Variants in GLIS3 observed in about 807,000 individuals in gnomAD.
The protein encoded by GLIS3 is zinc finger protein GLIS3.
GLIS3 carries 53 observed loss-of-function variants against 78.6 expected under a neutral mutation model. The ratio of observed to expected loss-of-function variants is 0.67; its 90% CI spans 0.54 to 0.85. GLIS3 has a LOEUF of 0.85. Among genes scored for constraint, GLIS3 ranks in the 40% least tolerant of loss-of-function variants. The pLI, the probability that GLIS3 is intolerant of heterozygous loss-of-function variation, is 0.00. For missense variants in GLIS3, 1,703 were observed against 1,231.1 expected, an observed-to-expected ratio of 1.38 and a Z score of -5.74; for synonymous variants, 684 against 509.9, an observed-to-expected ratio of 1.34 and a Z score of -4.60.
At chr9:4,412,489 G>T in the GLIS3 span, among the ~76,000 whole-genome samples, 1 of 152,134 alleles carries the variant, frequency 6.6e-6, no homozygotes, top group East Asian at 1.9e-4. Context: ...TGTAAGAATG[G>T]ATATCACCCT....
At chr9:3,874,969 A>AG (rs1394923374) in intron 8 of GLIS3, among the ~76,000 whole-genome samples, 1 of 152,206 alleles carries the variant, frequency 6.6e-6, no homozygotes, top group Non-Finnish European at 1.5e-5. Context: ...TTCAGAATGA[A>AG]GAGAGGCAGC....
chr9:3,987,499 C>T lies in GLIS3; in HGVS notation c.1711-50310G>A, dbSNP rs371431083. Among the ~76,000 whole-genome samples the T allele has an allele frequency of 4.0e-5, 6 of 151,616 alleles. No homozygotes were observed. The East Asian group carries it at 7.8e-4, about 20-fold the overall frequency. ...GGTGGATCACCTGAGGTCAGGAGTTCGAGACCAGCCTGGCCAACATGGTGA... is the reference window on the plus strand; with the variant it reads ...GGTGGATCACCTGAGGTCAGGAGTTTGAGACCAGCCTGGCCAACATGGTGA... On this transcript the variant is annotated intron_variant, in intron 4 of 10. Transcript: ENST00000381971.
chr9:4,398,542 C>T, the GLIS3 span, among the ~76,000 whole-genome samples: 1 of 152,004 alleles, frequency 6.6e-6, no homozygotes, highest in African/African-American at 2.4e-5. Flanking sequence ...CTTCTTTCTT[C>T]TTCCACCCCC....
At chr9:4,465,729 T>A in the GLIS3 span, among the ~76,000 whole-genome samples, 1 of 152,114 alleles carries the variant, frequency 6.6e-6, no homozygotes, top group Admixed American at 6.5e-5. Flanking sequence ...CTACTATGCA[T>A]CTACAAAAAT....
intron 1 of GLIS3, among the ~76,000 whole-genome samples, chr9:4,293,349 A>G (rs1363727717): frequency 2.6e-5 from 4 of 152,216 alleles, no homozygotes; most frequent in Non-Finnish European, 5.9e-5. Context: ...CAGCATAGTT[A>G]TTGCTTAAAA....
intron 4 of GLIS3, among the ~76,000 whole-genome samples, chr9:3,937,943 GATTTCA>G (rs1825986388): frequency 6.6e-6 from 1 of 152,152 alleles, no homozygotes; most frequent in African/African-American, 2.4e-5. Context: ...AAAGGCTTAA[GATTTCA>G]ATAAATGTGT....
intron 2 of GLIS3, among the ~76,000 whole-genome samples, chr9:4,134,691 T>C (rs1012588149): frequency 2.0e-5 from 3 of 152,212 alleles, no homozygotes; most frequent in African/African-American, 7.2e-5. Context: ...ATGGGGAGAA[T>C]GATTATCTAA....
the GLIS3 span, among the ~76,000 whole-genome samples, chr9:4,429,357 C>T: frequency 6.6e-6 from 1 of 152,002 alleles, no homozygotes; most frequent in East Asian, 1.9e-4. Flanking sequence ...CTTGACCCAC[C>T]GGATTTCTTC....
chr9:4,060,640 C>T (rs1198820583), intron 4 of GLIS3, among the ~76,000 whole-genome samples: 2 of 152,102 alleles, frequency 1.3e-5, no homozygotes, highest in African/African-American at 4.8e-5. Flanking sequence ...CAGGTGATAC[C>T]CTGTGTGCCT....
chr9:4,082,588 G>C (rs796278223), intron 4 of GLIS3, among the ~76,000 whole-genome samples: 25 of 152,272 alleles, frequency 1.6e-4, no homozygotes, highest in African/African-American at 5.8e-4. Flanking sequence ...GAAATCTTCT[G>C]ACAGTCCATA....
chr9:3,904,960 T>C (rs549573385), intron 6 of GLIS3, among the ~76,000 whole-genome samples: 4 of 150,678 alleles, frequency 2.7e-5, no homozygotes, highest in African/African-American at 9.7e-5. Context: ...ACACAGTTTC[T>C]CTTCCTCTTA....
chr9:3,886,538 ACTT>A (rs1355278102), intron 7 of GLIS3, among the ~76,000 whole-genome samples: 2 of 152,154 alleles, frequency 1.3e-5, no homozygotes, highest in Admixed American at 6.5e-5. Flanking sequence ...CACTTTCAGC[ACTT>A]CTTTTTGTTT....
the GLIS3 span, among the ~76,000 whole-genome samples, chr9:4,455,047 G>C: frequency 1.8e-4 from 28 of 152,030 alleles, no homozygotes; most frequent in African/African-American, 6.8e-4. Context: ...CCTTTTTCCA[G>C]AGTCCTGGGT....
chr9:4,439,952 G>A, the GLIS3 span, among the ~76,000 whole-genome samples: 1 of 152,208 alleles, frequency 6.6e-6, no homozygotes, highest in South Asian at 2.1e-4. Flanking sequence ...CAAAATGCTG[G>A]GATTACAGGC....
At chr9:4,175,544 C>T (rs1232498369) in intron 2 of GLIS3, among the ~76,000 whole-genome samples, 3 of 152,146 alleles carry the variant, frequency 2.0e-5, no homozygotes, top group Non-Finnish European at 2.9e-5. Flanking sequence ...AGGTTCTTAA[C>T]CGTGGTGGCT....
At chr9:3,981,585 G>A (rs1262973322) in intron 4 of GLIS3, among the ~76,000 whole-genome samples, 1 of 152,134 alleles carries the variant, frequency 6.6e-6, no homozygotes, top group Non-Finnish European at 1.5e-5. Flanking sequence ...CAGGAACCCT[G>A]TCTTACTGAG....
At chr9:4,473,114 G>T in the GLIS3 span, among the ~76,000 whole-genome samples, 1 of 152,038 alleles carries the variant, frequency 6.6e-6, no homozygotes, top group Admixed American at 6.6e-5. Context: ...AACCTTGCCA[G>T]TTATTGCAGC....
chr9:4,447,260 C>G, the GLIS3 span, among the ~76,000 whole-genome samples: 2 of 152,176 alleles, frequency 1.3e-5, no homozygotes, highest in East Asian at 3.9e-4. Context: ...GTTGCTCAGG[C>G]TGGTCTCAAA....
At chr9:4,480,249 G>A in the GLIS3 span, among the ~76,000 whole-genome samples, 3 of 143,314 alleles carry the variant, frequency 2.1e-5, no homozygotes, top group African/African-American at 7.9e-5. Context: ...GTGTTGCCCA[G>A]GCTGGACTGC....
Sources: allele counts gnomAD v4.1 joint callset (sites outside exome capture counted in the v4.1 genomes callset), GRCh38; gene constraint gnomAD v4.1.1; transcripts MANE v1.5; gene names NCBI Gene and HGNC (gene_info 2026-07-23, HGNC 2026-07-21).